The following XKR4 variants were observed in gnomAD, a reference collection of about 807,000 sequenced individuals.
XKR4 encodes XK related 4, also known as XK-related protein 4.
In XKR4, 12 loss-of-function variants were observed where a neutral mutation model predicts 53.9. The observed-to-expected ratio is 0.22, with a 90% CI of 0.14 to 0.36. The LOEUF is 0.36. XKR4 is among the 10% of genes least tolerant of loss of function. The probability of loss-of-function intolerance (pLI) is 1.00; values close to 1 mark genes in which losing one functional copy is unlikely to be tolerated. For missense variants in XKR4, 799 were observed against 859.5 expected (o/e 0.93, Z 0.88); for synonymous variants, 354 against 362.4 (o/e 0.98, Z 0.26).
intron 1 of XKR4, among the ~76,000 whole-genome samples, chr8:55,354,690 G>A (rs757847259): frequency 3.3e-5 from 5 of 149,462 alleles, no homozygotes; most frequent in Non-Finnish European, 5.9e-5. Context: ...AACTAATGAT[G>A]TTTCTATAGA....
At chr8:55,485,604 C>T (rs1178618751) in intron 2 of XKR4, among the ~76,000 whole-genome samples, 2 of 152,222 alleles carry the variant, frequency 1.3e-5, no homozygotes, top group African/African-American at 2.4e-5. Flanking sequence ...GTCTCAAACT[C>T]CTTACCTCCT....
At chr8:55,374,616 C>T (rs188898147) in intron 2 of XKR4, among the ~76,000 whole-genome samples, 9 of 152,302 alleles carry the variant, frequency 5.9e-5, no homozygotes, top group African/African-American at 1.9e-4. Flanking sequence ...GGAATCATGT[C>T]TATTCCTTAA....
chr8:55,194,849 C>T (rs190671822), intron 1 of XKR4, among the ~76,000 whole-genome samples: 1 of 152,192 alleles, frequency 6.6e-6, no homozygotes, highest in Admixed American at 6.5e-5. Flanking sequence ...CTAACAAATC[C>T]TTTTACAAGC....
At chr8:55,230,738 A>G (rs1235892699) in intron 1 of XKR4, among the ~76,000 whole-genome samples, 1 of 152,172 alleles carries the variant, frequency 6.6e-6, no homozygotes, top group East Asian at 1.9e-4. Context: ...GAAATAATAG[A>G]ATAATAATAA....
intron 2 of XKR4, among the ~76,000 whole-genome samples, chr8:55,391,319 T>C (rs1804440064): frequency 6.6e-6 from 1 of 152,238 alleles, no homozygotes; most frequent in African/African-American, 2.4e-5. Flanking sequence ...GTTTATTCAT[T>C]GTAGCTTTAT....
intron 1 of XKR4, among the ~76,000 whole-genome samples, chr8:55,349,836 C>T (rs1010124704): frequency 1.3e-5 from 2 of 152,126 alleles, no homozygotes; most frequent in East Asian, 1.9e-4. Context: ...AACAATTTTA[C>T]AATATATATC....
chr8:55,314,422 G>A (rs1819432623), intron 1 of XKR4, among the ~76,000 whole-genome samples: 1 of 152,056 alleles, frequency 6.6e-6, no homozygotes, highest in Non-Finnish European at 1.5e-5. Context: ...CCCCCCCATC[G>A]CTGGGGCACC....
chr8:55,374,072 C>A (rs1330081675), intron 2 of XKR4, among the ~76,000 whole-genome samples: 3 of 152,208 alleles, frequency 2.0e-5, no homozygotes. Flanking sequence ...GATCCTGAAA[C>A]CCAAGGGTCC....
chr8:55,256,740 G>C (rs1330622951), intron 1 of XKR4, among the ~76,000 whole-genome samples: 1 of 152,160 alleles, frequency 6.6e-6, no homozygotes, highest in Non-Finnish European at 1.5e-5. Context: ...TAGAGTCTCA[G>C]TCAGGTCATC....
At chr8:55,377,858 T>G (rs763223042) in intron 2 of XKR4, among the ~76,000 whole-genome samples, 36 of 152,150 alleles carry the variant, frequency 2.4e-4, no homozygotes, top group Non-Finnish European at 2.1e-4. Context: ...GAAACACTAA[T>G]TAGATTTTCT....
chr8:55,357,066 C>A (rs1225425847), intron 1 of XKR4, among the ~76,000 whole-genome samples: 4 of 152,088 alleles, frequency 2.6e-5, no homozygotes, highest in Non-Finnish European at 5.9e-5. Context: ...CAACTATAGG[C>A]TATTAGTGAA....
At chr8:55,123,424 G>T (rs2129352203) in intron 1 of XKR4, among the ~76,000 whole-genome samples, 1 of 152,332 alleles carries the variant, frequency 6.6e-6, no homozygotes, top group Admixed American at 6.5e-5. Flanking sequence ...GAGTTTAGCA[G>T]CTGGCATCAG....
intron 1 of XKR4, among the ~76,000 whole-genome samples, chr8:55,140,753 T>A (rs957611374): frequency 1.3e-5 from 2 of 152,170 alleles, no homozygotes; most frequent in Non-Finnish European, 2.9e-5. Context: ...GGGCCCATCC[T>A]GCGTTATGCT....
chr8:55,383,376 C>T (rs1804263009), intron 2 of XKR4, among the ~76,000 whole-genome samples: 1 of 152,130 alleles, frequency 6.6e-6, no homozygotes, highest in African/African-American at 2.4e-5. Context: ...TTCTGATTCT[C>T]AGTACATATA....
chr8:55,455,485 G>C (rs1326963296), intron 2 of XKR4, among the ~76,000 whole-genome samples: 1 of 152,150 alleles, frequency 6.6e-6, no homozygotes, highest in Non-Finnish European at 1.5e-5. Context: ...GTGCTAGAGG[G>C]GGCTGGCTCA....
At chr8:55,451,846 G>T (rs1175611710) in intron 2 of XKR4, 4 of 905,302 alleles carry the variant, frequency 4.4e-6, no homozygotes, top group Non-Finnish European at 5.4e-6. Flanking sequence ...CATGCCGTCC[G>T]AGGGCTTCAA....
At chr8:55,118,297 G>T (rs1258993848) in intron 1 of XKR4, among the ~76,000 whole-genome samples, 1 of 152,188 alleles carries the variant, frequency 6.6e-6, no homozygotes, top group African/African-American at 2.4e-5. Flanking sequence ...CATGTGAATA[G>T]TACATCATTA....
chr8:55,527,746 G>C lies in XKR4; in HGVS notation c.*3519G>C, dbSNP rs1389912226. ...AACAAATATAATAAATTCTCTTACTGACATGGCAAGAATATATAATTCAAG... is the reference window on the plus strand; with the variant it reads ...AACAAATATAATAAATTCTCTTACTCACATGGCAAGAATATATAATTCAAG... On this transcript the variant is annotated 3_prime_UTR_variant, in exon 3 of 3. Transcript: ENST00000327381. The C allele has an allele frequency of 6.6e-6, 1 of 152,100 alleles. No individual in the cohort carries two copies. The highest frequency in any genetic ancestry group is 1.5e-5 in the Non-Finnish European group (1 of 68,018). 9.4% of individuals were successfully genotyped at this position (152,100 alleles called of 1,614,324 possible).
chr8:55,308,529 T>A (rs1819341688), intron 1 of XKR4, among the ~76,000 whole-genome samples: 1 of 152,130 alleles, frequency 6.6e-6, no homozygotes, highest in Non-Finnish European at 1.5e-5. Flanking sequence ...CAGGATCCAA[T>A]CACCTCCCAC....
Sources: gnomAD v4.1 joint callset for allele counts (sites outside exome capture counted in the v4.1 genomes callset) on GRCh38, gnomAD v4.1.1 for gene constraint, MANE v1.5 for transcripts, NCBI Gene and HGNC (gene_info 2026-07-23, HGNC 2026-07-21) for gene names.